FAM228A: variants seen among roughly 807,000 people sequenced by gnomAD.
FAM228A encodes protein FAM228A.
Under a neutral mutation model 18.6 loss-of-function variants are expected in FAM228A, and 13 were observed. The ratio of observed to expected loss-of-function variants is 0.70; its 90% confidence interval spans 0.45 to 1.11. The LOEUF (loss-of-function observed/expected upper bound fraction) is 1.11, where lower values mean the gene tolerates loss of function less well. Ranked by LOEUF, FAM228A falls within the 50% of genes least tolerant of loss-of-function variation. The pLI is 0.00. For synonymous variants in FAM228A, 77 were observed against 86.6 expected (o/e 0.89, Z 0.61); for missense variants, 240 against 242.2 (o/e 0.99, Z 0.06).
intron 5 of FAM228A, among the ~76,000 whole-genome samples, chr2:24,186,186 G>A (rs1390480760): frequency 6.6e-6 from 1 of 152,044 alleles, no homozygotes; most frequent in African/African-American, 2.4e-5. Context: ...TTTTAGTAGA[G>A]ATGAGGTTTC....
intron 5 of FAM228A, 104 bp from the exon 6 acceptor site, chr2:24,190,308 T>C (rs1668048924): frequency 1.5e-6 from 2 of 1,370,968 alleles, no homozygotes; most frequent in African/African-American, 2.9e-5. Context: ...TCGTTCCTTC[T>C]CAAAAGTGAC....
intron 3 of FAM228A, among the ~76,000 whole-genome samples, chr2:24,178,404 C>T (rs1256921233): frequency 6.6e-6 from 1 of 151,930 alleles, no homozygotes; most frequent in African/African-American, 2.4e-5. Flanking sequence ...GAGGCCCTGT[C>T]ACTACAAAAA....
Position 24,175,502 on chromosome 2 carries a change from A to C in FAM228A, c.22A>C (p.Ser8Arg). The C allele has an allele frequency of 6.2e-7, 1 of 1,614,142 alleles. No homozygotes were observed. Among genetic ancestry groups the C allele is most frequent in the East Asian group, 2.2e-5 (1 of 44,878 alleles). ...GTCCATGGCTGCCACCAAAACTGCG[A>C]GTTATGATGAACATTTCAGGCCAGA... is the stretch of plus-strand genomic sequence containing the variant. MAATKTASYDEHFRPEKL... is the reference protein window; with the variant it reads MAATKTARYDEHFRPEKL... The change falls in exon 2 of 6, where the codon AGT becomes CGT. Residue 8 changes from serine to arginine, a missense_variant. Ser to Arg is a moderately radical substitution (Grantham distance 110). Coordinates refer to ENST00000295150, the MANE Select transcript of FAM228A (RefSeq NM_001040710.3).
chr2:24,176,325 CT>C, intron 2 of FAM228A: 2 of 491,898 alleles, frequency 4.1e-6, no homozygotes, highest in Non-Finnish European at 5.2e-6. Flanking sequence ...GTTTTACATA[CT>C]TTTTCAGTTG....
At position 24,175,508 on chromosome 2, in the gene FAM228A, G is replaced by GA; in HGVS notation, c.29dup (p.Asp10GlufsTer2). The GA allele has an allele frequency of 4.3e-6, 7 of 1,614,208 alleles. No homozygotes were observed. The highest frequency in any genetic ancestry group is 5.9e-6 in the Non-Finnish European group (7 of 1,180,016). On this transcript the variant is annotated frameshift_variant, in exon 2 of 6. Coordinates refer to ENST00000295150, the MANE Select transcript of FAM228A (RefSeq NM_001040710.3). LOFTEE classifies it high-confidence loss of function. ...GGCTGCCACCAAAACTGCGAGTTATGATGAACATTTCAGGCCAGAAAAGTT... is the reference window on the plus strand; with the variant it reads ...GGCTGCCACCAAAACTGCGAGTTATGAATGAACATTTCAGGCCAGAAAAGTT...
intron 5 of FAM228A, among the ~76,000 whole-genome samples, chr2:24,186,550 T>C (rs990218435): frequency 6.6e-6 from 1 of 152,164 alleles, no homozygotes; most frequent in African/African-American, 2.4e-5. Flanking sequence ...ATCAGTTTTT[T>C]TTAGATAATA....
Position 24,190,293 on chromosome 2 carries a change from G to A in FAM228A, c.402-119G>A, listed in dbSNP as rs371202487. The A allele has an allele frequency of 4.6e-5, 57 of 1,238,486 alleles. No individual in the cohort carries two copies. The South Asian group carries it at 9.1e-4, about 20-fold the overall frequency. The allele number at this position is 1,238,486 out of a possible 1,614,324, so 76.7% of individuals were successfully genotyped here. A position where few individuals can be genotyped will look rare whatever the true frequency, so the allele number is the denominator to read the frequency against. On this transcript the variant is annotated intron_variant, in intron 5 of 5. Transcript: ENST00000295150. Reference sequence around the variant, plus strand: ...GAGGGACAGCCACCAGTGATGGCTGGTCAGTCGTTCCTTCTCAAAAGTGAC... The same window carrying A: ...GAGGGACAGCCACCAGTGATGGCTGATCAGTCGTTCCTTCTCAAAAGTGAC...
At chr2:24,176,099 CAAAG>C (rs1171621027) in intron 2 of FAM228A, 2 of 985,158 alleles carry the variant, frequency 2.0e-6, no homozygotes, top group African/African-American at 3.5e-5. Flanking sequence ...GGCAAAATCA[CAAAG>C]AAGAGCCATC....
intron 5 of FAM228A, 120 bp from the exon 6 acceptor site, chr2:24,190,292 G>T: frequency 8.2e-7 from 1 of 1,222,368 alleles, no homozygotes; most frequent in Non-Finnish European, 1.1e-6. Context: ...AGTGATGGCT[G>T]GTCAGTCGTT....
chr2:24,177,630 C>T (rs1418182388), intron 2 of FAM228A, among the ~76,000 whole-genome samples, 172 bp from the exon 3 acceptor site: 13 of 151,884 alleles, frequency 8.6e-5, no homozygotes, highest in Non-Finnish European at 1.5e-5. Context: ...ATTAATCACT[C>T]GAGCCTGGCT....
chr2:24,189,388 C>T (rs1668029754), intron 5 of FAM228A, among the ~76,000 whole-genome samples: 1 of 152,218 alleles, frequency 6.6e-6, no homozygotes, highest in Non-Finnish European at 1.5e-5. Flanking sequence ...ATTCTTAACT[C>T]CCTGACCTGC....
rs372216146 is a variant in FAM228A at position 24,183,499 on chromosome 2, A to T, written c.255A>T (p.Lys85Asn). Residue 85 changes from lysine to asparagine, a missense_variant, in exon 5 of 6, where the codon AAA (lysine) becomes AAT (asparagine). Physicochemically the swap from Lys to Asn is moderately conservative, Grantham distance 94. Coordinates refer to ENST00000295150, the MANE Select transcript of FAM228A (RefSeq NM_001040710.3). ...RRTGLQCETG[K>N]RHSIKELEEI... ...CGATTTTTTATCTTCCTGTAGGAAA[A>T]CGACATTCCATAAAAGAACTTGAAG... The T allele has an allele frequency of 2.2e-5, 36 of 1,610,156 alleles. No individual in the cohort carries two copies. The highest frequency in any genetic ancestry group is 3.3e-4 in the Middle Eastern group (2 of 6,056).
chr2:24,184,740 A>G (rs925890012), intron 5 of FAM228A, among the ~76,000 whole-genome samples: 2 of 151,608 alleles, frequency 1.3e-5, no homozygotes, highest in African/African-American at 4.9e-5. Context: ...CAGTGGTGCA[A>G]TCTCTTAATT....
intron 5 of FAM228A, 21 bp downstream of exon 5, chr2:24,183,666 CAAAT>C (rs905595792): frequency 1.9e-6 from 3 of 1,554,706 alleles, no homozygotes; most frequent in Non-Finnish European, 2.6e-6. Flanking sequence ...GCAGAACAAA[CAAAT>C]ATTTGTTTAA....
intron 3 of FAM228A, among the ~76,000 whole-genome samples, chr2:24,178,353 C>T (rs1298901057): frequency 1.3e-5 from 2 of 151,964 alleles, no homozygotes; most frequent in African/African-American, 4.8e-5. Context: ...TTGCTTGAAA[C>T]CAGGAGTTTG....
At chr2:24,183,798 G>A (rs1667873879) in intron 5 of FAM228A, among the ~76,000 whole-genome samples, 153 bp downstream of exon 5, 1 of 151,954 alleles carries the variant, frequency 6.6e-6, no homozygotes, top group Non-Finnish European at 1.5e-5. Flanking sequence ...TATATGTAGA[G>A]GACAGAATAA....
intron 5 of FAM228A, chr2:24,188,626 GTCTC>G: frequency 1.0e-6 from 1 of 985,404 alleles, no homozygotes; most frequent in African/African-American, 1.7e-5. Flanking sequence ...AGAGAAATCA[GTCTC>G]TACCTTGGTA....
In FAM228A at chr2:24,190,443, CAGAAA is replaced by C. The variant is rs775756422; in HGVS notation, c.442_446del (p.Lys148GlufsTer12). ...AAAGCTCATCTATGCAGACAAGAAA[CAGAAA>C]AGAAAAGAGAAAAAGACGGCCGACC... On this transcript the variant is annotated frameshift_variant, in exon 6 of 6. Transcript: ENST00000295150. LOFTEE classifies it low-confidence loss of function (END_TRUNC). 2.8e-5 allele frequency: 45 copies of C among 1,613,592 alleles called. No individual in the cohort carries two copies. The highest frequency in any genetic ancestry group is 2.5e-4 in the East Asian group (11 of 44,878).
rs2288075 is a variant in FAM228A at position 24,190,742 on chromosome 2, A to G, written c.*111A>G. 0.036 allele frequency: 51,007 copies of G among 1,403,576 alleles called. 2,184 individuals carry two copies. Among genetic ancestry groups the G allele is most frequent in the East Asian group, 0.21 (7,951 of 38,284 alleles). 86.9% of individuals were successfully genotyped at this position (1,403,576 alleles called of 1,614,324 possible). ...GAGAAATGGCGGTGGCCTCAGGCTCAGCACTGCAGCTCTGACAGGGCCCCT... is the reference window on the plus strand; with the variant it reads ...GAGAAATGGCGGTGGCCTCAGGCTCGGCACTGCAGCTCTGACAGGGCCCCT... On this transcript the variant is annotated 3_prime_UTR_variant, in exon 6 of 6. Coordinates refer to ENST00000295150, the MANE Select transcript of FAM228A (RefSeq NM_001040710.3).
Sources: allele counts gnomAD v4.1 joint callset (sites outside exome capture counted in the v4.1 genomes callset), GRCh38; gene constraint gnomAD v4.1.1; transcripts MANE v1.5; gene names NCBI Gene and HGNC (gene_info 2026-07-23, HGNC 2026-07-21).